The following PHIP variants were observed in gnomAD, a reference collection of about 807,000 sequenced individuals.
PHIP encodes the protein PHIP subunit of CUL4-Ring ligase complex, also known as PH-interacting protein.
In PHIP, 54 loss-of-function variants were observed where a neutral mutation model predicts 236.8. The observed-to-expected ratio is 0.23, with a 90% confidence interval of 0.18 to 0.29. The LOEUF (loss-of-function observed/expected upper bound fraction) is 0.29. PHIP is among the 10% of genes least tolerant of loss of function. PHIP has a pLI of 1.00. For synonymous variants in PHIP, 756 were observed against 718.9 expected (o/e 1.05, Z -0.83); for missense variants, 1,370 against 2,190.8 (o/e 0.63, Z 7.48).
At position 78,936,712 on chromosome 6, in the gene PHIP, A is replaced by C. The variant is rs1458685759; in HGVS notation, c.*3981T>G. ...TCACTGTTCTACTGCAGTGTGTACA[A>C]GGTTTATCTCTGGAGCGCCAAAAGT... is the stretch of plus-strand genomic sequence containing the variant. On this transcript the variant is annotated 3_prime_UTR_variant, in exon 40 of 40. Transcript: ENST00000275034. 1 of 151,878 alleles carries C rather than the reference A, an allele frequency of 6.6e-6. No homozygotes were observed. Among genetic ancestry groups the C allele is most frequent in the Non-Finnish European group, 1.5e-5 (1 of 67,774 alleles). The allele number at this position is 151,878 out of a possible 1,614,324, so 9.4% of individuals were successfully genotyped here.
intron 15 of PHIP, among the ~76,000 whole-genome samples, chr6:79,013,314 G>GT (rs773548563): frequency 1.1e-4 from 17 of 151,526 alleles, no homozygotes; most frequent in Non-Finnish European, 2.4e-4. Flanking sequence ...CTCACTTTCT[G>GT]TTTTTTAGCT....
At chr6:78,999,034 C>G (rs962954735) in intron 17 of PHIP, among the ~76,000 whole-genome samples, 15 of 151,960 alleles carry the variant, frequency 9.9e-5, no homozygotes, top group Admixed American at 2.6e-4. Flanking sequence ...TCAGAAAAAT[C>G]AGAGAAGTCC....
chr6:79,068,443 A>G (rs1307017412), intron 4 of PHIP, among the ~76,000 whole-genome samples: 1 of 152,192 alleles, frequency 6.6e-6, no homozygotes, highest in Non-Finnish European at 1.5e-5. Context: ...AGCCTGAGTG[A>G]CAGGGCAAGA....
intron 4 of PHIP, among the ~76,000 whole-genome samples, chr6:79,071,299 T>C (rs766886896): frequency 5.9e-5 from 9 of 152,166 alleles, no homozygotes; most frequent in Non-Finnish European, 1.3e-4. Flanking sequence ...CCCTGCTTTA[T>C]CAAATTCCAT....
At chr6:78,994,689 C>G (rs754868919) in intron 19 of PHIP, among the ~76,000 whole-genome samples, 38 of 152,156 alleles carry the variant, frequency 2.5e-4, no homozygotes, top group Non-Finnish European at 4.4e-4. Flanking sequence ...TGAGAGGAGT[C>G]AAATCAATGT....
At chr6:79,042,386 T>TA (rs1772267899) in intron 7 of PHIP, among the ~76,000 whole-genome samples, 1 of 152,042 alleles carries the variant, frequency 6.6e-6, no homozygotes, top group African/African-American at 2.4e-5. Flanking sequence ...TTAGCTTTTT[T>TA]AAAATCACTA....
Position 78,947,695 on chromosome 6 carries a change from T to C in PHIP, c.4134A>G (p.Pro1378=). The C allele has an allele frequency of 6.4e-7, 1 of 1,556,540 alleles. No individual in the cohort carries two copies. Among genetic ancestry groups the C allele is most frequent in the Non-Finnish European group, 8.9e-7 (1 of 1,127,860 alleles). Reference sequence around the variant, plus strand: ...GTCTGACATCTTTACATAACTCCATTGGTGACTCATAATTCCCAGCCTCTA... The same window carrying C: ...GTCTGACATCTTTACATAACTCCATCGGTGACTCATAATTCCCAGCCTCTA... ...ETLEAGNYES[P]MELCKDVRLI... The change falls in exon 36 of 40, where the codon CCA becomes CCG. Residue 1378 remains proline (P), a synonymous_variant. Transcript: ENST00000275034.
intron 4 of PHIP, among the ~76,000 whole-genome samples, chr6:79,065,174 T>G (rs1262861137): frequency 6.6e-6 from 1 of 152,232 alleles, no homozygotes. Context: ...AATAAATGCA[T>G]ACCTTTCCCA....
At chr6:78,994,508 T>C (rs1031836159) in intron 19 of PHIP, among the ~76,000 whole-genome samples, 1 of 151,526 alleles carries the variant, frequency 6.6e-6, no homozygotes, top group Non-Finnish European at 1.5e-5. Flanking sequence ...AACTGGGAGG[T>C]GGATGTTGCG....
chr6:79,072,908 C>T (rs1033183142), intron 4 of PHIP, among the ~76,000 whole-genome samples: 3 of 152,086 alleles, frequency 2.0e-5, no homozygotes, highest in African/African-American at 7.2e-5. Flanking sequence ...CCTTTACTAC[C>T]ACTACTAAAG....
chr6:79,026,198 C>T (rs1203166311), intron 7 of PHIP, 34 bp from the exon 8 acceptor site: 1 of 1,447,828 alleles, frequency 6.9e-7, no homozygotes, highest in Non-Finnish European at 9.7e-7. Flanking sequence ...TAGAATTAAC[C>T]CCATAAATTT....
At chr6:79,002,233 G>C in intron 16 of PHIP, 109 bp from the exon 17 acceptor site, 2 of 644,862 alleles carry the variant, frequency 3.1e-6, no homozygotes, top group Non-Finnish European at 5.3e-6. Flanking sequence ...ACGAATAATG[G>C]TATTAAGCAA....
chr6:78,964,043 G>A (rs1165024813), intron 29 of PHIP, among the ~76,000 whole-genome samples: 1 of 151,990 alleles, frequency 6.6e-6, no homozygotes, highest in Non-Finnish European at 1.5e-5. Context: ...AATATCCAAG[G>A]CATTATAACA....
chr6:79,019,275 C>T, intron 9 of PHIP, 116 bp from the exon 10 acceptor site: 1 of 696,024 alleles, frequency 1.4e-6, no homozygotes, highest in Admixed American at 2.4e-5. Flanking sequence ...CAGATGGCTC[C>T]CTTCCTAAAA....
At chr6:79,037,864 C>T (rs1772017950) in intron 7 of PHIP, among the ~76,000 whole-genome samples, 1 of 152,140 alleles carries the variant, frequency 6.6e-6, no homozygotes, top group Non-Finnish European at 1.5e-5. Context: ...CTGCAAGGCA[C>T]TACAGATCTA....
chr6:78,966,004 T>G lies in PHIP; in HGVS notation c.3258A>C (p.Glu1086Asp). The change falls in exon 28 of 40, where the codon GAA (glutamate) becomes GAC (aspartate). Residue 1086 changes from glutamate (E) to aspartate (D), a missense_variant. Physicochemically the swap from Glu to Asp is conservative, Grantham distance 45 (BLOSUM62 2). Around this residue, in one of 14 missense-constraint regions of PHIP, gnomAD observed 238 missense variants for 398.5 expected, o/e 0.60. Transcript: ENST00000275034. Reference sequence around the variant, plus strand: ...ACTCAAGTTGAAGAGGTTCCTGGCTTTCGATTGTTCCAAACCACCAGGCAT... The same window carrying G: ...ACTCAAGTTGAAGAGGTTCCTGGCTGTCGATTGTTCCAAACCACCAGGCAT... ...IDDAWWFGTI[E>D]SQEPLQLEYP... 1 of 1,613,898 alleles carries G rather than the reference T, an allele frequency of 6.2e-7. No homozygotes were observed. Among genetic ancestry groups the G allele is most frequent in the South Asian group, 1.1e-5 (1 of 91,076 alleles).
At chr6:78,974,145 A>G (rs1380909734) in intron 24 of PHIP, among the ~76,000 whole-genome samples, 1 of 152,066 alleles carries the variant, frequency 6.6e-6, no homozygotes, top group East Asian at 1.9e-4. Flanking sequence ...TCCTCAGCAA[A>G]TGTAAAAGAA....
At chr6:78,962,981 C>G in intron 30 of PHIP, 116 bp downstream of exon 30, 1 of 788,202 alleles carries the variant, frequency 1.3e-6, no homozygotes, top group East Asian at 2.7e-5. Flanking sequence ...CTTAAAATGT[C>G]TGAAACCACT....
intron 32 of PHIP, chr6:78,957,715 T>C (rs1268159239): frequency 1.3e-5 from 2 of 151,926 alleles, no homozygotes; most frequent in Non-Finnish European, 2.9e-5. Flanking sequence ...AATAATGACA[T>C]GGAATCACAG....
Sources: allele counts gnomAD v4.1 joint callset (sites outside exome capture counted in the v4.1 genomes callset), GRCh38; gene constraint gnomAD v4.1.1; regional missense constraint gnomAD v4.1.1; transcripts MANE v1.5; gene names NCBI Gene and HGNC (gene_info 2026-07-23, HGNC 2026-07-21).